Variants in FOXO1 observed in about 807,000 individuals in gnomAD.
FOXO1 encodes the protein forkhead box protein O1.
FOXO1 carries 6 observed loss-of-function variants against 44.1 expected under a neutral mutation model. The ratio of observed to expected loss-of-function variants is 0.14; its 90% CI spans 0.07 to 0.27. The LOEUF is 0.27. Among genes scored for constraint, FOXO1 ranks in the 10% least tolerant of loss-of-function variants. The probability of loss-of-function intolerance (pLI) is 1.00; values close to 1 mark genes in which losing one functional copy is unlikely to be tolerated. For synonymous variants in FOXO1, 380 were observed against 362.7 expected (o/e 1.05, Z -0.54); for missense variants, 737 against 888.8 (o/e 0.83, Z 2.17).
intron 1 of FOXO1, among the ~76,000 whole-genome samples, chr13:40,561,595 A>G (rs914446521): frequency 1.6e-4 from 24 of 152,090 alleles, no homozygotes; most frequent in African/African-American, 5.3e-4. Flanking sequence ...AACCTGTGCC[A>G]TTTACATAAA....
intron 1 of FOXO1, among the ~76,000 whole-genome samples, chr13:40,661,798 T>C (rs1463602412): frequency 6.6e-6 from 1 of 152,130 alleles, no homozygotes; most frequent in Non-Finnish European, 1.5e-5. Flanking sequence ...AGAATATTTA[T>C]TTCAAAACAT....
At chr13:40,641,003 C>A (rs966170910) in intron 1 of FOXO1, among the ~76,000 whole-genome samples, 2 of 152,174 alleles carry the variant, frequency 1.3e-5, no homozygotes, top group African/African-American at 4.8e-5. Flanking sequence ...AGGCTGGTCT[C>A]AAACTCTTGA....
At chr13:40,573,021 T>C (rs9549236) in intron 1 of FOXO1, among the ~76,000 whole-genome samples, 62,808 of 152,032 alleles carry the variant, frequency 0.41, 14,266 homozygotes, top group East Asian at 0.75. Flanking sequence ...AAAGCCTCCA[T>C]GACTCCTCCT....
chr13:40,582,690 A>C (rs1242413134), intron 1 of FOXO1, among the ~76,000 whole-genome samples: 1 of 152,220 alleles, frequency 6.6e-6, no homozygotes, highest in East Asian at 1.9e-4. Flanking sequence ...TTTTATCATG[A>C]GATTGCTGCA....
intron 1 of FOXO1, among the ~76,000 whole-genome samples, chr13:40,600,700 TGAAA>T (rs1875786723): frequency 2.0e-5 from 3 of 152,354 alleles, no homozygotes; most frequent in South Asian, 4.1e-4. Context: ...TTCAGTACTC[TGAAA>T]GAGTTAATGG....
chr13:40,629,356 G>A (rs938255363), intron 1 of FOXO1, among the ~76,000 whole-genome samples: 2 of 152,138 alleles, frequency 1.3e-5, no homozygotes, highest in Non-Finnish European at 2.9e-5. Flanking sequence ...TGGTCAGGCT[G>A]GTCTCGAACT....
At chr13:40,582,824 A>G (rs763451478) in intron 1 of FOXO1, among the ~76,000 whole-genome samples, 12 of 152,244 alleles carry the variant, frequency 7.9e-5, no homozygotes. Flanking sequence ...GACTGGAATC[A>G]GCTTCTTCCA....
chr13:40,625,950 A>C (rs1442058786), intron 1 of FOXO1, among the ~76,000 whole-genome samples: 1 of 152,174 alleles, frequency 6.6e-6, no homozygotes, highest in Non-Finnish European at 1.5e-5. Flanking sequence ...ACCAGGATAA[A>C]GTCATCTTTG....
At chr13:40,649,739 C>A (rs1445326522) in intron 1 of FOXO1, among the ~76,000 whole-genome samples, 1 of 152,152 alleles carries the variant, frequency 6.6e-6, no homozygotes, top group Non-Finnish European at 1.5e-5. Context: ...TCACTTCAAA[C>A]ATATACCCTC....
At chr13:40,583,840 C>T (rs1875045298) in intron 1 of FOXO1, among the ~76,000 whole-genome samples, 1 of 152,226 alleles carries the variant, frequency 6.6e-6, no homozygotes, top group African/African-American at 2.4e-5. Flanking sequence ...CCTTCAAGAA[C>T]TTTCCCTTTG....
chr13:40,652,157 CAGAG>C (rs1354329051), intron 1 of FOXO1, among the ~76,000 whole-genome samples: 2 of 152,172 alleles, frequency 1.3e-5, no homozygotes, highest in Admixed American at 6.5e-5. Flanking sequence ...GGTAGCCCTG[CAGAG>C]AGAGAGTTCT....
Position 40,585,343 on chromosome 13 carries a change from G to GCACACACACACACA in FOXO1, c.631-24497_631-24484dup, listed in dbSNP as rs1555248752. On this transcript the variant is annotated intron_variant, in intron 1 of 2. Coordinates refer to ENST00000379561, the MANE Select transcript of FOXO1 (RefSeq NM_002015.4). ...ATGTAAGTATTTCCTCTGCGCGCGC[G>GCACACACACACACA]CACACACACACACACACACACACAC... Among the ~76,000 whole-genome samples the GCACACACACACACA allele has an allele frequency of 2.4e-3, 348 of 147,118 alleles. 3 individuals carry two copies. The East Asian group carries it at 0.026, about 11-fold the overall frequency.
chr13:40,574,967 T>C (rs1436719162), intron 1 of FOXO1, among the ~76,000 whole-genome samples: 1 of 152,242 alleles, frequency 6.6e-6, no homozygotes, highest in Non-Finnish European at 1.5e-5. Context: ...CTTTGAAGAC[T>C]AAAATGGTTA....
At chr13:40,617,560 C>T (rs1876471006) in intron 1 of FOXO1, among the ~76,000 whole-genome samples, 1 of 151,868 alleles carries the variant, frequency 6.6e-6, no homozygotes, top group Non-Finnish European at 1.5e-5. Flanking sequence ...CATCTAGGAG[C>T]CAGAAAAGGA....
chr13:40,633,397 A>G (rs1877041822), intron 1 of FOXO1, among the ~76,000 whole-genome samples: 1 of 152,270 alleles, frequency 6.6e-6, no homozygotes, highest in Admixed American at 6.5e-5. Flanking sequence ...TGATAAATGG[A>G]TAAAATATAC....
intron 1 of FOXO1, among the ~76,000 whole-genome samples, chr13:40,565,214 C>T (rs1395923887): frequency 1.3e-5 from 2 of 152,156 alleles, no homozygotes; most frequent in Admixed American, 6.5e-5. Flanking sequence ...CTAACATTTA[C>T]TGGAAACTAT....
Position 40,559,822 on chromosome 13 carries a change from G to C in FOXO1, c.1669C>G (p.Gln557Glu). The C allele has an allele frequency of 6.2e-7, 1 of 1,614,058 alleles. No homozygotes were observed. Among genetic ancestry groups the C allele is most frequent in the Non-Finnish European group, 8.5e-7 (1 of 1,179,982 alleles). The change falls in exon 2 of 3, where the codon CAA becomes GAA. Residue 557 changes from glutamine (Q) to glutamate (E), a missense_variant. By Grantham distance (29) the Gln-to-Glu change is conservative (BLOSUM62 2). This residue lies in a region of FOXO1 where 283 missense variants were observed against 278.1 expected (regional missense o/e 1.02). Coordinates refer to ENST00000379561, the MANE Select transcript of FOXO1 (RefSeq NM_002015.4). ...GGCACTTGTACAGGTGTCTTCACTT[G>C]GGTCAGGCGGTTCATACCCGAGGTG... ...PHTSGMNRLT[Q>E]VKTPVQVPLP... is the part of the protein sequence containing the mutation.
intron 1 of FOXO1, among the ~76,000 whole-genome samples, chr13:40,562,409 T>TA (rs1212935129): frequency 6.6e-6 from 1 of 152,216 alleles, no homozygotes; most frequent in Non-Finnish European, 1.5e-5. Context: ...CTCTGCTACT[T>TA]ACTTACCTAG....
intron 1 of FOXO1, among the ~76,000 whole-genome samples, chr13:40,600,226 T>C (rs2137878207): frequency 6.6e-6 from 1 of 152,284 alleles, no homozygotes; most frequent in Non-Finnish European, 1.5e-5. Flanking sequence ...GTTGACAAAT[T>C]AGACCAAAGC....
Sources: allele counts gnomAD v4.1 joint callset (sites outside exome capture counted in the v4.1 genomes callset), GRCh38; gene constraint gnomAD v4.1.1; regional missense constraint gnomAD v4.1.1; transcripts MANE v1.5; gene names NCBI Gene and HGNC (gene_info 2026-07-23, HGNC 2026-07-21).